BRCA1: variants seen among roughly 807,000 people sequenced by gnomAD.
BRCA1 encodes BRCA1 DNA repair associated.
BRCA1 carries 140 observed loss-of-function variants against 173.7 expected under a neutral mutation model. The observed-to-expected ratio is 0.81, with a 90% confidence interval of 0.70 to 0.93. BRCA1 has a LOEUF of 0.93. BRCA1 is among the 40% of genes least tolerant of loss of function. The probability of loss-of-function intolerance (pLI) is 0.00; values close to 1 mark genes in which losing one functional copy is unlikely to be tolerated. For missense variants in BRCA1, 1,983 were observed against 2,172.5 expected, an observed-to-expected ratio of 0.91 and a Z score of 1.73; for synonymous variants, 662 against 756.0, an observed-to-expected ratio of 0.88 and a Z score of 2.04.
At chr17:43,142,747 A>G (rs2056084030) in intron 1 of BRCA1, among the ~76,000 whole-genome samples, 1 of 152,012 alleles carries the variant, frequency 6.6e-6, no homozygotes, top group Non-Finnish European at 1.5e-5. Flanking sequence ...TTTACTTTTT[A>G]TTTAATTATT....
At chr17:43,059,706 T>C (rs1363462400) in intron 18 of BRCA1, among the ~76,000 whole-genome samples, 3 of 152,042 alleles carry the variant, frequency 2.0e-5, no homozygotes, top group Non-Finnish European at 4.4e-5. Context: ...CATTAGCAAG[T>C]CCTCTCTTCA....
rs8176255 is a variant in BRCA1, at chr17:43,064,324, G to A, written c.5075-373C>T. On this transcript the variant is annotated intron_variant, in intron 16 of 22. Transcript: ENST00000357654. ...TGGACGGAGAACATCTATATTACTA[G>A]ATGGCAATATGTGAAAGAAGAAAAC... Among the ~76,000 whole-genome samples the A allele has an allele frequency of 0.1, 15,870 of 152,190 alleles. 2,562 individuals are homozygous for A. Among genetic ancestry groups the A allele is most frequent in the African/African-American group, 0.35 (14,358 of 41,488 alleles).
At position 43,044,714 on chromosome 17, in the gene BRCA1, T is replaced by C. The variant is rs1479922101; in HGVS notation, c.*964A>G. The C allele has an allele frequency of 2.0e-6, 1 of 505,898 alleles. No individual in the cohort carries two copies. Among genetic ancestry groups the C allele is most frequent in the Non-Finnish European group, 3.9e-6 (1 of 258,470 alleles). The allele number at this position is 505,898 out of a possible 1,614,324, so 31.3% of individuals were successfully genotyped here. A position where few individuals can be genotyped will look rare whatever the true frequency, so the allele number is the denominator to read the frequency against. ...GAAGACTGTCTTTGGAAACCGGTTC[T>C]TGAAAATCTTCTGCTGTTTTAGAAC... On this transcript the variant is annotated 3_prime_UTR_variant, in exon 23 of 23. Coordinates refer to ENST00000357654, the MANE Select transcript of BRCA1 (RefSeq NM_007294.4).
chr17:43,141,275 T>A (rs189185164), intron 1 of BRCA1, among the ~76,000 whole-genome samples: 2 of 151,806 alleles, frequency 1.3e-5, no homozygotes, highest in East Asian at 3.9e-4. Context: ...ACTTTGGGAG[T>A]TTTTAGAAAT....
At chr17:43,124,260 C>T in intron 1 of BRCA1, 145 bp from the exon 2 acceptor site, 1 of 583,940 alleles carries the variant, frequency 1.7e-6, no homozygotes, top group East Asian at 3.0e-5. Context: ...TGACAACGTC[C>T]TTTATTTTTA....
At position 43,054,586 on chromosome 17, in the gene BRCA1, T is replaced by C. The variant is rs182514679; in HGVS notation, c.5277+2466A>G. The stretch of plus-strand genomic sequence containing the variant: ...TCCTGAGTAGCTGGGAATACAAGAG[T>C]GTGCTACGACACCCAATTAATTTTT... On this transcript the variant is annotated intron_variant, in intron 19 of 22. Coordinates refer to ENST00000357654, the MANE Select transcript of BRCA1 (RefSeq NM_007294.4). Among the ~76,000 whole-genome samples, 160 of 151,500 alleles carry C rather than the reference T, an allele frequency of 1.1e-3. 1 individual carries two copies. Among genetic ancestry groups the C allele is most frequent in the African/African-American group, 3.4e-3 (141 of 41,238 alleles).
Position 43,094,014 on chromosome 17 carries a change from C to T in BRCA1, c.1517G>A (p.Arg506Lys), listed in dbSNP as rs2053926351. The change falls in exon 10 of 23, where the codon AGG (arginine) becomes AAG (lysine). Residue 506 changes from arginine to lysine, a missense_variant. Physicochemically the swap from Arg to Lys is conservative, Grantham distance 26 (BLOSUM62 2). Coordinates refer to ENST00000357654, the MANE Select transcript of BRCA1 (RefSeq NM_007294.4). ...AGGATGAAGGCCTGATGTAGGTCTC[C>T]TTTTACGCTTTAATTTATTTGTGAG... is the stretch of plus-strand genomic sequence containing the variant. ...RPLTNKLKRKRRPTSGLHPED... is the reference protein window; with the variant it reads ...RPLTNKLKRKKRPTSGLHPED... The T allele has an allele frequency of 6.2e-7, 1 of 1,613,984 alleles. No homozygotes were observed. The highest frequency in any genetic ancestry group is 2.2e-5 in the East Asian group (1 of 44,872).
At chr17:43,147,865 A>C (rs1156289306) in intron 1 of BRCA1, among the ~76,000 whole-genome samples, 2 of 152,120 alleles carry the variant, frequency 1.3e-5, no homozygotes, top group Admixed American at 6.6e-5. Context: ...GCCTCCAAGA[A>C]GGCCCCTGGC....
Position 43,092,010 on chromosome 17 carries a change from G to T in BRCA1, c.3521C>A (p.Ser1174Tyr). The T allele has an allele frequency of 6.2e-7, 1 of 1,614,070 alleles. No homozygotes were observed. Among genetic ancestry groups the T allele is most frequent in the Non-Finnish European group, 8.5e-7 (1 of 1,180,022 alleles). ...SFAENDIKES[S>Y]AVFSKSVQKG... ...CTGGACGCTTTTGCTAAAAACAGCAGAACTTTCCTTAATGTCATTTTCAGC... is the reference window on the plus strand; with the variant it reads ...CTGGACGCTTTTGCTAAAAACAGCATAACTTTCCTTAATGTCATTTTCAGC... Residue 1174 changes from serine to tyrosine, a missense_variant, in exon 10 of 23, where the codon TCT becomes TAT. By Grantham distance (144) the Ser-to-Tyr change is moderately radical. Transcript: ENST00000357654.
chr17:43,139,250 A>C (rs942859786), intron 1 of BRCA1, among the ~76,000 whole-genome samples: 1 of 60,134 alleles, frequency 1.7e-5, no homozygotes, highest in Non-Finnish European at 3.6e-5. Flanking sequence ...TTTAACTTTT[A>C]TTTTAGATTA....
At chr17:43,048,347 C>T (rs1398147406) in intron 21 of BRCA1, among the ~76,000 whole-genome samples, 2 of 152,212 alleles carry the variant, frequency 1.3e-5, no homozygotes, top group South Asian at 2.1e-4. Flanking sequence ...GGACTACAGG[C>T]GTGCGCCCCT....
chr17:43,128,984 G>C (rs545868337), upstream of BRCA1, among the ~76,000 whole-genome samples: 3 of 152,128 alleles, frequency 2.0e-5, no homozygotes, highest in East Asian at 5.8e-4. Flanking sequence ...GGCTTGTACA[G>C]GCCTCTGGTG....
At chr17:43,152,868 T>TA (rs1189321623) in intron 1 of BRCA1, among the ~76,000 whole-genome samples, 1 of 148,214 alleles carries the variant, frequency 6.7e-6, no homozygotes, top group African/African-American at 2.5e-5. Flanking sequence ...GTCTCAAAAA[T>TA]AAAAAAATAA....
upstream of BRCA1, among the ~76,000 whole-genome samples, chr17:43,128,996 A>T (rs1175342178): frequency 1.3e-5 from 2 of 151,998 alleles, no homozygotes; most frequent in Non-Finnish European, 2.9e-5. Context: ...CCTCTGGTGG[A>T]GACAGTAACC....
rs273902789 is a variant in BRCA1 at position 43,115,790 on chromosome 17, AG to A, written c.81-12del. ...TTGATCAACTCCAGACTAGCAGGGTAGGGGGGGAGAAAAAGAAAATAAATGA... is the reference window on the plus strand; with the variant it reads ...TTGATCAACTCCAGACTAGCAGGGTAGGGGGGAGAAAAAGAAAATAAATGA... On this transcript the variant is annotated splice_polypyrimidine_tract_variant and intron_variant, in intron 2 of 22. Transcript: ENST00000357654. The A allele has an allele frequency of 5.6e-6, 9 of 1,610,716 alleles. No individual in the cohort carries two copies. The highest frequency in any genetic ancestry group is 7.6e-6 in the Non-Finnish European group (9 of 1,178,250).
intron 1 of BRCA1, among the ~76,000 whole-genome samples, chr17:43,134,096 C>T (rs1367170360): frequency 3.3e-5 from 5 of 152,218 alleles, no homozygotes; most frequent in Non-Finnish European, 1.5e-5. Context: ...TCCAGAATAC[C>T]TCTCAAGTTC....
At chr17:43,149,346 C>T (rs1431162382) in intron 1 of BRCA1, among the ~76,000 whole-genome samples, 1 of 151,722 alleles carries the variant, frequency 6.6e-6, no homozygotes, top group East Asian at 1.9e-4. Flanking sequence ...GTGATCCGCC[C>T]ACCTTGGCCT....
Position 43,100,587 on chromosome 17 carries a change from TATATATATTATATATATATA to T in BRCA1, c.442-727_442-708del, listed in dbSNP as rs2054358340. Among the ~76,000 whole-genome samples, 2 of 95,524 alleles carry T rather than the reference TATATATATTATATATATATA, an allele frequency of 2.1e-5. 1 individual carries two copies. Among genetic ancestry groups the T allele is most frequent in the Non-Finnish European group, 4.0e-5 (2 of 50,180 alleles). The allele number at this position is 95,524 out of a possible 152,430, so 62.7% of individuals were successfully genotyped here. A position where few individuals can be genotyped will look rare whatever the true frequency, so the allele number is the denominator to read the frequency against. ...ATATATATATAACATATATATAACA[TATATATATTATATATATATA>T]ACATATATATAACATATATATATGT... On this transcript the variant is annotated intron_variant, in intron 6 of 22. Coordinates refer to ENST00000357654, the MANE Select transcript of BRCA1 (RefSeq NM_007294.4).
chr17:43,072,627 C>T (rs1364450661), intron 14 of BRCA1, among the ~76,000 whole-genome samples: 5 of 148,998 alleles, frequency 3.4e-5, no homozygotes, highest in South Asian at 4.2e-4. Context: ...TGCAATGGCG[C>T]GATCTCAGCT....
Sources: gnomAD v4.1 joint callset for allele counts (sites outside exome capture counted in the v4.1 genomes callset) on GRCh38, gnomAD v4.1.1 for gene constraint, MANE v1.5 for transcripts, NCBI Gene and HGNC (gene_info 2026-07-23, HGNC 2026-07-21) for gene names.